ZFPM2: variants seen among roughly 807,000 people sequenced by gnomAD.
ZFPM2 encodes the protein zinc finger protein ZFPM2.
Under a neutral mutation model 98.6 loss-of-function variants are expected in ZFPM2, and 20 were observed. The ratio of observed to expected loss-of-function variants is 0.20; its 90% CI spans 0.14 to 0.29. ZFPM2 has a LOEUF of 0.29. Among genes scored for constraint, ZFPM2 ranks in the 10% least tolerant of loss-of-function variants. The pLI, the probability that ZFPM2 is intolerant of heterozygous loss-of-function variation, is 1.00. For missense variants in ZFPM2, 1,310 were observed against 1,388.6 expected (o/e 0.94, Z 0.90); for synonymous variants, 518 against 502.7 (o/e 1.03, Z -0.41).
chr8:105,503,427 A>G (rs1177557525), intron 3 of ZFPM2, among the ~76,000 whole-genome samples: 1 of 152,198 alleles, frequency 6.6e-6, no homozygotes, highest in Non-Finnish European at 1.5e-5. Context: ...TTTGTTAACT[A>G]TGTAGATAAG....
intron 2 of ZFPM2, among the ~76,000 whole-genome samples, chr8:105,441,470 G>A (rs13273657): frequency 1.5e-5 from 1 of 68,668 alleles, no homozygotes; most frequent in Non-Finnish European, 2.4e-5. Context: ...AAGAAAGAAA[G>A]AAAGAAAGAA....
intron 5 of ZFPM2, among the ~76,000 whole-genome samples, chr8:105,733,965 C>A (rs1359997803): frequency 6.6e-6 from 1 of 151,862 alleles, no homozygotes; most frequent in Non-Finnish European, 1.5e-5. Flanking sequence ...TCACAGGACA[C>A]CTGGAAGAGG....
intron 1 of ZFPM2, among the ~76,000 whole-genome samples, chr8:105,368,316 G>A (rs1175674225): frequency 6.6e-6 from 1 of 152,062 alleles, no homozygotes; most frequent in Non-Finnish European, 1.5e-5. Flanking sequence ...AGTACCACAA[G>A]GAGAATTCTT....
intron 1 of ZFPM2, among the ~76,000 whole-genome samples, chr8:105,326,108 T>A (rs1563604520): frequency 6.6e-6 from 1 of 151,722 alleles, no homozygotes; most frequent in Non-Finnish European, 1.5e-5. Flanking sequence ...AAGAAGTTTA[T>A]CTGAGGATAT....
At chr8:105,780,048 A>G (rs2131108967) in intron 5 of ZFPM2, among the ~76,000 whole-genome samples, 1 of 152,344 alleles carries the variant, frequency 6.6e-6, no homozygotes, top group Non-Finnish European at 1.5e-5. Flanking sequence ...TTAGAACAGC[A>G]AATATATGCT....
chr8:105,596,806 G>A (rs2130776263), intron 4 of ZFPM2, among the ~76,000 whole-genome samples: 1 of 146,140 alleles, frequency 6.8e-6, no homozygotes, highest in African/African-American at 2.5e-5. Context: ...AGCAGATAGG[G>A]AAAGATGGCC....
chr8:105,359,221 G>T (rs1455985489), intron 1 of ZFPM2, among the ~76,000 whole-genome samples: 1 of 152,080 alleles, frequency 6.6e-6, no homozygotes, highest in Non-Finnish European at 1.5e-5. Flanking sequence ...CTGCCACCAT[G>T]TAAGACATGC....
chr8:105,451,137 CTTGT>C (rs1812476832), intron 3 of ZFPM2, among the ~76,000 whole-genome samples: 1 of 152,030 alleles, frequency 6.6e-6, no homozygotes. Context: ...TAGATAGTGG[CTTGT>C]TTTAGAGTTT....
intron 1 of ZFPM2, among the ~76,000 whole-genome samples, chr8:105,373,229 T>C (rs1200839537): frequency 6.6e-6 from 1 of 152,200 alleles, no homozygotes. Flanking sequence ...CAACCCATAT[T>C]TTAATTTTTA....
chr8:105,374,040 T>C (rs531423692), intron 1 of ZFPM2, among the ~76,000 whole-genome samples: 3 of 152,310 alleles, frequency 2.0e-5, no homozygotes, highest in Non-Finnish European at 2.9e-5. Context: ...AACTTTAATA[T>C]ATAAATGGAA....
intron 6 of ZFPM2, among the ~76,000 whole-genome samples, chr8:105,790,295 T>C (rs961482895): frequency 6.6e-6 from 1 of 151,234 alleles, no homozygotes; most frequent in Non-Finnish European, 1.5e-5. Flanking sequence ...GTTTCAGCTT[T>C]CTACATATGG....
intron 3 of ZFPM2, among the ~76,000 whole-genome samples, chr8:105,502,282 T>C (rs1813611422): frequency 6.6e-6 from 1 of 152,144 alleles, no homozygotes; most frequent in Admixed American, 6.5e-5. Flanking sequence ...ATACCCATTT[T>C]GAAAGCATGG....
chr8:105,457,541 G>A (rs1315464968), intron 3 of ZFPM2, among the ~76,000 whole-genome samples: 1 of 152,176 alleles, frequency 6.6e-6, no homozygotes, highest in East Asian at 1.9e-4. Flanking sequence ...AGTGATAGAG[G>A]CATTCACAGT....
chr8:105,660,731 G>C (rs540404957), intron 5 of ZFPM2, among the ~76,000 whole-genome samples: 6 of 152,258 alleles, frequency 3.9e-5, no homozygotes, highest in African/African-American at 1.4e-4. Context: ...CCACATTAAA[G>C]TATTGTAGGA....
At chr8:105,740,707 G>A (rs762807726) in intron 5 of ZFPM2, among the ~76,000 whole-genome samples, 13 of 151,716 alleles carry the variant, frequency 8.6e-5, no homozygotes, top group Non-Finnish European at 1.6e-4. Context: ...TTCTTACTAT[G>A]TTTTAGGTGT....
chr8:105,618,965 T>C (rs1437807932), intron 4 of ZFPM2, among the ~76,000 whole-genome samples: 2 of 152,190 alleles, frequency 1.3e-5, no homozygotes, highest in Admixed American at 1.3e-4. Flanking sequence ...ATACTTCATT[T>C]AGCAGTCAGA....
intron 4 of ZFPM2, among the ~76,000 whole-genome samples, chr8:105,610,614 G>T (rs1204134403): frequency 1.3e-5 from 2 of 151,930 alleles, no homozygotes; most frequent in Admixed American, 6.6e-5. Context: ...GTTTTATATT[G>T]TATATTGGGG....
chr8:105,598,407 G>C (rs1442360971), intron 4 of ZFPM2, among the ~76,000 whole-genome samples: 1 of 152,130 alleles, frequency 6.6e-6, no homozygotes, highest in Non-Finnish European at 1.5e-5. Context: ...CTATCACCAT[G>C]AATGCATTTT....
rs764336746 is a variant in ZFPM2 at position 105,607,383 on chromosome 8, AAAG to A, written c.421-26856_421-26854del. 4.1e-4 allele frequency among the ~76,000 whole-genome samples: 62 copies of A among 152,200 alleles called. 1 individual carries two copies. The Middle Eastern group carries it at 0.027, about 67-fold the overall frequency. ...TCTCATATTAATGAGAGATCTGAGA[AAAG>A]AAGAAGGGAACAGAGGAGGACCTTG... On this transcript the variant is annotated intron_variant, in intron 4 of 7. Coordinates refer to ENST00000407775, the MANE Select transcript of ZFPM2 (RefSeq NM_012082.4).
Sources: gnomAD v4.1 joint callset for allele counts (sites outside exome capture counted in the v4.1 genomes callset) on GRCh38, gnomAD v4.1.1 for gene constraint, MANE v1.5 for transcripts, NCBI Gene and HGNC (gene_info 2026-07-23, HGNC 2026-07-21) for gene names.